Variants in CMTM4 observed in about 807,000 individuals in gnomAD.
CMTM4 encodes CKLF like MARVEL transmembrane domain containing 4.
CMTM4 carries 8 observed loss-of-function variants against 19.0 expected under a neutral mutation model. The observed-to-expected ratio is 0.42, with a 90% CI of 0.25 to 0.76. The LOEUF (loss-of-function observed/expected upper bound fraction) is 0.76, where lower values mean the gene tolerates loss of function less well. Ranked by LOEUF, CMTM4 falls within the 30% of genes least tolerant of loss-of-function variation. The probability of loss-of-function intolerance (pLI) is 0.27; values close to 1 mark genes in which losing one functional copy is unlikely to be tolerated. For missense variants in CMTM4, 228 were observed against 290.2 expected (o/e 0.79, Z 1.56); for synonymous variants, 106 against 121.1 (o/e 0.88, Z 0.82).
chr16:66,636,392 C>T lies in CMTM4; in HGVS notation c.363+13G>A, dbSNP rs780569373. ...GTGATCCTTTCATGGCCAGAGTGGC[C>T]GCTTGTACTCACTGTCAGATTCCAG... On this transcript the variant is annotated intron_variant, in intron 2 of 3. Coordinates refer to ENST00000394106, the MANE Select transcript of CMTM4 (RefSeq NM_181521.3). 8.7e-6 allele frequency: 14 copies of T among 1,611,248 alleles called. No individual in the cohort carries two copies. The highest frequency in any genetic ancestry group is 6.7e-5 in the Admixed American group (4 of 59,900).
chr16:66,673,425 C>A (rs1331864820), intron 1 of CMTM4, among the ~76,000 whole-genome samples: 1 of 151,048 alleles, frequency 6.6e-6, no homozygotes, highest in African/African-American at 2.4e-5. Context: ...CCAGGCTGGT[C>A]TCGAACTCCT....
chr16:66,677,570 C>A (rs778348093), intron 1 of CMTM4, among the ~76,000 whole-genome samples: 5 of 152,234 alleles, frequency 3.3e-5, no homozygotes, highest in African/African-American at 1.2e-4. Flanking sequence ...ATGTTTCCCA[C>A]GGCCACCTCA....
At chr16:66,687,727 G>A (rs867386688) in intron 1 of CMTM4, among the ~76,000 whole-genome samples, 2 of 134,240 alleles carry the variant, frequency 1.5e-5, no homozygotes, top group Non-Finnish European at 3.0e-5. Context: ...TCGCTCTGTC[G>A]CCCAGGCTGG....
intron 1 of CMTM4, among the ~76,000 whole-genome samples, chr16:66,648,344 T>C (rs946364833): frequency 3.9e-5 from 6 of 152,170 alleles, no homozygotes; most frequent in African/African-American, 1.4e-4. Flanking sequence ...CTTCATCTGT[T>C]TGGGAATGAA....
At chr16:66,660,824 T>C (rs2016487154) in intron 1 of CMTM4, among the ~76,000 whole-genome samples, 1 of 152,204 alleles carries the variant, frequency 6.6e-6, no homozygotes, top group African/African-American at 2.4e-5. Flanking sequence ...TCAAATCTCC[T>C]AACACTTGGC....
intron 2 of CMTM4, among the ~76,000 whole-genome samples, chr16:66,629,755 G>A (rs1238267154): frequency 6.6e-6 from 1 of 152,084 alleles, no homozygotes; most frequent in Non-Finnish European, 1.5e-5. Flanking sequence ...TAGAGGAGCT[G>A]GACATTGAGT....
At chr16:66,655,519 G>A (rs544065294) in intron 1 of CMTM4, among the ~76,000 whole-genome samples, 498 of 14,574 alleles carry the variant, frequency 0.034, 1 homozygote, top group South Asian at 0.062. Flanking sequence ...GGACAGAAAC[G>A]TGTGTGTGTG....
At chr16:66,660,996 G>A (rs1293031118) in intron 1 of CMTM4, among the ~76,000 whole-genome samples, 3 of 152,126 alleles carry the variant, frequency 2.0e-5, no homozygotes, top group Non-Finnish European at 4.4e-5. Flanking sequence ...AGTAATGACT[G>A]ACCAACAGGG....
At chr16:66,672,433 A>AC (rs1391984540) in intron 1 of CMTM4, among the ~76,000 whole-genome samples, 13 of 150,978 alleles carry the variant, frequency 8.6e-5, no homozygotes, top group Non-Finnish European at 1.8e-4. Context: ...AAAAAAAAAA[A>AC]ACCTAATGAC....
downstream of CMTM4, chr16:66,612,491 C>T: frequency 1.0e-6 from 1 of 999,048 alleles, no homozygotes; most frequent in Non-Finnish European, 1.5e-6. The surrounding 1 kb of genome is among the most constrained non-coding windows in gnomAD (Gnocchi z 6.0). Context: ...GTAGAGTCAG[C>T]TGCAGGAGGC....
In CMTM4 at chr16:66,676,579, C is replaced by T. The variant is rs558480710; in HGVS notation, c.186+19761G>A. Among the ~76,000 whole-genome samples the T allele has an allele frequency of 1.1e-4, 16 of 152,316 alleles. No homozygotes were observed. In the East Asian group the frequency reaches 2.7e-3, roughly 26 times the overall value. The stretch of plus-strand genomic sequence containing the variant: ...ACAAGGGAGGCGCACAATAACTTCA[C>T]GATCCCTTAGAGTCTAAAACTCTTG... On this transcript the variant is annotated intron_variant, in intron 1 of 3. Transcript: ENST00000394106.
chr16:66,609,422 CCT>C, the CMTM4 span: 1 of 1,609,872 alleles, frequency 6.2e-7, no homozygotes, highest in Non-Finnish European at 8.5e-7. This position sits in a 1 kb window ranked among gnomAD's most constrained non-coding sequence, Gnocchi z 4.4. Flanking sequence ...GCAGCATGCC[CCT>C]CTCTCCCCAG....
At chr16:66,692,007 T>C (rs1427202361) in intron 1 of CMTM4, among the ~76,000 whole-genome samples, 7 of 152,042 alleles carry the variant, frequency 4.6e-5, no homozygotes, top group African/African-American at 1.7e-4. Context: ...TTGAGGGAGG[T>C]ATTGGCAGTC....
chr16:66,641,170 G>A (rs1310244790), intron 1 of CMTM4, among the ~76,000 whole-genome samples: 5 of 151,914 alleles, frequency 3.3e-5, no homozygotes, highest in African/African-American at 4.8e-5. Context: ...TCAAACTTTC[G>A]AGTAGCTGGA....
At chr16:66,643,210 T>C (rs1471958026) in intron 1 of CMTM4, among the ~76,000 whole-genome samples, 2 of 152,178 alleles carry the variant, frequency 1.3e-5, no homozygotes, top group Non-Finnish European at 2.9e-5. Context: ...CATGAGCCAC[T>C]GCACCCAGCC....
chr16:66,642,767 A>G (rs2016119083), intron 1 of CMTM4, among the ~76,000 whole-genome samples: 1 of 152,192 alleles, frequency 6.6e-6, no homozygotes, highest in African/African-American at 2.4e-5. Flanking sequence ...ACAGGTTGTC[A>G]GATTTCCACA....
At chr16:66,670,035 C>A (rs570046814) in intron 1 of CMTM4, among the ~76,000 whole-genome samples, 1 of 152,262 alleles carries the variant, frequency 6.6e-6, no homozygotes, top group African/African-American at 2.4e-5. Context: ...GGAAACAAAG[C>A]AATTTTCAAA....
At chr16:66,647,002 C>T (rs1352108255) in intron 1 of CMTM4, among the ~76,000 whole-genome samples, 1 of 151,684 alleles carries the variant, frequency 6.6e-6, no homozygotes, top group Admixed American at 6.6e-5. Context: ...CCACCACGCC[C>T]AGCCTGGTCA....
At chr16:66,657,950 C>T (rs2016428030) in intron 1 of CMTM4, among the ~76,000 whole-genome samples, 1 of 152,178 alleles carries the variant, frequency 6.6e-6, no homozygotes, top group South Asian at 2.1e-4. Flanking sequence ...GGCCAGGCTC[C>T]ATAACCATGC....
Sources: allele counts gnomAD v4.1 joint callset (sites outside exome capture counted in the v4.1 genomes callset), GRCh38; gene constraint gnomAD v4.1.1; non-coding constraint Gnocchi (gnomAD v3.1); transcripts MANE v1.5; gene names NCBI Gene and HGNC (gene_info 2026-07-23, HGNC 2026-07-21).